The following MRAP2 variants were observed in gnomAD, a reference collection of about 807,000 sequenced individuals.
The protein encoded by MRAP2 is melanocortin 2 receptor accessory protein 2.
In MRAP2, 20 loss-of-function variants were observed where a neutral mutation model predicts 17.4. The observed-to-expected ratio is 1.15, with a 90% CI of 0.81 to 1.67. The LOEUF (loss-of-function observed/expected upper bound fraction) is 1.67. Ranked by LOEUF, MRAP2 falls within the 40% of genes most tolerant of loss-of-function variation. The pLI, the probability that MRAP2 is intolerant of heterozygous loss-of-function variation, is 0.00. For synonymous variants in MRAP2, 96 were observed against 88.4 expected, an observed-to-expected ratio of 1.09 and a Z score of -0.48; for missense variants, 238 against 240.0, an observed-to-expected ratio of 0.99 and a Z score of 0.05.
At chr6:84,106,514 T>A in the MRAP2 span, among the ~76,000 whole-genome samples, 1 of 152,182 alleles carries the variant, frequency 6.6e-6, no homozygotes, top group Non-Finnish European at 1.5e-5. Context: ...GCAGTGGTCA[T>A]ACCCAGGAAG....
the MRAP2 span, among the ~76,000 whole-genome samples, chr6:84,138,671 A>C: frequency 2.0e-5 from 3 of 152,136 alleles, no homozygotes; most frequent in South Asian, 6.2e-4. Flanking sequence ...AGTATTTTAG[A>C]TATTCTTAAA....
At chr6:84,116,400 G>T in the MRAP2 span, among the ~76,000 whole-genome samples, 1 of 152,148 alleles carries the variant, frequency 6.6e-6, no homozygotes, top group Non-Finnish European at 1.5e-5. Flanking sequence ...ATTGTGTCTT[G>T]CCTGCTGCCA....
the MRAP2 span, among the ~76,000 whole-genome samples, chr6:84,108,987 T>A: frequency 6.6e-6 from 1 of 152,152 alleles, no homozygotes; most frequent in Non-Finnish European, 1.5e-5. Flanking sequence ...GTTGTAGATG[T>A]GTGGTCCTAT....
At chr6:84,045,195 G>A in intron 1 of MRAP2, 14 of 985,300 alleles carry the variant, frequency 1.4e-5, no homozygotes, top group Non-Finnish European at 1.7e-5. Context: ...GCTAAGGAAT[G>A]ACTTTATATA....
At chr6:84,079,953 A>C (rs887046895) in intron 3 of MRAP2, among the ~76,000 whole-genome samples, 1 of 151,766 alleles carries the variant, frequency 6.6e-6, no homozygotes, top group African/African-American at 2.4e-5. Context: ...TTTTGTGATG[A>C]TTCTTATTAA....
At chr6:84,098,088 T>C in the MRAP2 span, among the ~76,000 whole-genome samples, 3 of 152,300 alleles carry the variant, frequency 2.0e-5, no homozygotes, top group African/African-American at 7.2e-5. Context: ...TCCATAAAAA[T>C]TATGATGCCC....
At chr6:84,134,528 G>C in the MRAP2 span, among the ~76,000 whole-genome samples, 10 of 152,196 alleles carry the variant, frequency 6.6e-5, no homozygotes, top group African/African-American at 2.4e-4. Context: ...CTTGGGAAAA[G>C]CATAGTAACT....
At chr6:84,093,573 G>GTA (rs200191848), downstream of MRAP2, among the ~76,000 whole-genome samples, 1,577 of 152,304 alleles carry the variant, frequency 0.01, 32 homozygotes, top group African/African-American at 0.036. Flanking sequence ...AGTCAGCACT[G>GTA]CACAAGGAAA....
chr6:84,121,517 C>T, the MRAP2 span, among the ~76,000 whole-genome samples: 7,529 of 152,182 alleles, frequency 0.049, 229 homozygotes, highest in Admixed American at 0.089. Context: ...TGATGGCGTG[C>T]GCCTGTAATC....
At chr6:84,061,541 CA>C (rs2099493170) in intron 2 of MRAP2, among the ~76,000 whole-genome samples, 2 of 152,192 alleles carry the variant, frequency 1.3e-5, no homozygotes, top group Admixed American at 1.3e-4. Context: ...AGGGAGACAA[CA>C]CATCAATTAT....
At chr6:84,085,290 G>A (rs945717936) in intron 3 of MRAP2, among the ~76,000 whole-genome samples, 11 of 152,116 alleles carry the variant, frequency 7.2e-5, no homozygotes, top group East Asian at 3.9e-4. Flanking sequence ...TCCTGACCTC[G>A]TGATCCGCCC....
At position 84,054,950 on chromosome 6, in the gene MRAP2, G is replaced by A. The variant is rs145199593; in HGVS notation, c.-7-362G>A. 2.8e-3 allele frequency among the ~76,000 whole-genome samples: 431 copies of A among 152,248 alleles called. 2 individuals are homozygous for A. The highest frequency in any genetic ancestry group is 3.5e-3 in the Non-Finnish European group (239 of 68,026). On this transcript the variant is annotated intron_variant, in intron 1 of 3. Transcript: ENST00000257776. ...GCAGGCTCTTTACATACTCTTGCAG[G>A]TATAGGTGCTGAGGCTGAAGCTGTA...
intron 3 of MRAP2, among the ~76,000 whole-genome samples, chr6:84,079,084 A>G (rs1228473864): frequency 6.6e-6 from 1 of 152,222 alleles, no homozygotes; most frequent in Admixed American, 6.5e-5. Context: ...CAGTAGAAAC[A>G]TATCCACAAA....
chr6:84,135,037 G>A, the MRAP2 span, among the ~76,000 whole-genome samples: 56 of 151,612 alleles, frequency 3.7e-4, no homozygotes, highest in African/African-American at 1.2e-3. Flanking sequence ...ATTTGCATAT[G>A]TACACACATG....
At chr6:84,124,111 G>A in the MRAP2 span, 1 of 151,960 alleles carries the variant, frequency 6.6e-6, no homozygotes, top group Non-Finnish European at 1.5e-5. Context: ...CTCTCTTGGT[G>A]GGAATGTAAA....
At position 84,062,943 on chromosome 6, in the gene MRAP2, A is replaced by G. The variant is rs757838436; in HGVS notation, c.178A>G (p.Met60Val). Residue 60 changes from methionine to valine, a missense_variant, in exon 3 of 4, where the codon ATG (methionine) becomes GTG (valine). Met to Val is a conservative substitution (Grantham distance 21, BLOSUM62 1). Coordinates refer to ENST00000257776, the MANE Select transcript of MRAP2 (RefSeq NM_138409.4). ...WVGLAVFVIF[M>V]FFVLTLLTKT... is the part of the protein sequence containing the mutation. ...TGGTCTTGCAGTCTTCGTGATTTTT[A>G]TGTTTTTTGTGCTGACCTTGCTGAC... The G allele has an allele frequency of 1.9e-6, 3 of 1,614,042 alleles. No homozygotes were observed. The highest frequency in any genetic ancestry group is 2.5e-6 in the Non-Finnish European group (3 of 1,180,032).
chr6:84,054,552 T>A (rs1199742143), intron 1 of MRAP2, among the ~76,000 whole-genome samples: 1 of 152,152 alleles, frequency 6.6e-6, no homozygotes, highest in Non-Finnish European at 1.5e-5. Context: ...TTCACTCCAT[T>A]TTATTAAACT....
At chr6:84,034,347 A>G (rs1390147366) in intron 1 of MRAP2, among the ~76,000 whole-genome samples, 1 of 152,116 alleles carries the variant, frequency 6.6e-6, no homozygotes, top group Non-Finnish European at 1.5e-5. Context: ...GCCTCCATGC[A>G]CTGGGCAGGG....
intron 3 of MRAP2, among the ~76,000 whole-genome samples, chr6:84,079,448 T>C (rs190376921): frequency 1.3e-5 from 2 of 152,338 alleles, no homozygotes; most frequent in Admixed American, 1.3e-4. Flanking sequence ...ATGTCCTTTA[T>C]GTTGATTGGG....
Sources: gnomAD v4.1 joint callset for allele counts (sites outside exome capture counted in the v4.1 genomes callset) on GRCh38, gnomAD v4.1.1 for gene constraint, MANE v1.5 for transcripts, NCBI Gene and HGNC (gene_info 2026-07-23, HGNC 2026-07-21) for gene names.